The following AGBL4 variants were observed in gnomAD, a reference collection of about 807,000 sequenced individuals.
AGBL4 encodes cytosolic carboxypeptidase 6.
A neutral mutation model predicts 66.4 loss-of-function variants in AGBL4; 58 were observed. The observed-to-expected ratio is 0.87, with a 90% CI of 0.71 to 1.09. The LOEUF (loss-of-function observed/expected upper bound fraction) is 1.09. Ranked by LOEUF, AGBL4 falls within the 50% of genes least tolerant of loss-of-function variation. AGBL4 has a pLI of 0.00. For synonymous variants in AGBL4, 234 were observed against 222.9 expected, an observed-to-expected ratio of 1.05 and a Z score of -0.44; for missense variants, 579 against 631.0, an observed-to-expected ratio of 0.92 and a Z score of 0.88.
At chr1:49,918,116 C>T (rs1268724456) in intron 1 of AGBL4, among the ~76,000 whole-genome samples, 1 of 151,988 alleles carries the variant, frequency 6.6e-6, no homozygotes, top group Non-Finnish European at 1.5e-5. Context: ...GCACGAAATG[C>T]CAACAAGAGA....
intron 2 of AGBL4, among the ~76,000 whole-genome samples, chr1:49,846,929 C>G (rs950653256): frequency 3.9e-5 from 6 of 152,142 alleles, no homozygotes; most frequent in Non-Finnish European, 7.4e-5. Context: ...ATAAAGCAAT[C>G]CTAAAATTCA....
intron 3 of AGBL4, among the ~76,000 whole-genome samples, chr1:49,628,493 T>G (rs1483482346): frequency 1.3e-5 from 2 of 152,188 alleles, no homozygotes; most frequent in East Asian, 3.8e-4. Context: ...TCTTTTACTT[T>G]GAAGGGCATG....
intron 2 of AGBL4, among the ~76,000 whole-genome samples, chr1:49,823,778 A>ATGTGTGTGTGTGTGTGTG (rs10528873): frequency 1.1e-3 from 156 of 147,574 alleles, no homozygotes; most frequent in African/African-American, 3.3e-3. Context: ...AGGCTGCATA[A>ATGTGTGTGTGTGTGTGTG]TGTGTGTGTG....
chr1:48,720,268 C>T (rs1475022834), intron 6 of AGBL4, among the ~76,000 whole-genome samples: 1 of 152,096 alleles, frequency 6.6e-6, no homozygotes, highest in Non-Finnish European at 1.5e-5. Flanking sequence ...ACAAGAGGTG[C>T]CACAGAGCAG....
chr1:49,242,511 G>A (rs1024472018), intron 4 of AGBL4, among the ~76,000 whole-genome samples: 4 of 151,966 alleles, frequency 2.6e-5, no homozygotes, highest in Admixed American at 1.3e-4. Flanking sequence ...TTTCTGCAGA[G>A]GTGAAGATAC....
At chr1:49,806,190 A>C (rs1644973260) in intron 2 of AGBL4, among the ~76,000 whole-genome samples, 1 of 152,204 alleles carries the variant, frequency 6.6e-6, no homozygotes, top group Admixed American at 6.5e-5. Flanking sequence ...TTCTCAGAGA[A>C]TATGTAAGTG....
At chr1:48,790,337 C>T (rs541533385) in intron 6 of AGBL4, among the ~76,000 whole-genome samples, 1 of 151,118 alleles carries the variant, frequency 6.6e-6, no homozygotes, top group East Asian at 2.0e-4. Context: ...AAGACAGACA[C>T]AAATGAAGAA....
intron 3 of AGBL4, among the ~76,000 whole-genome samples, chr1:49,443,755 T>C (rs991161615): frequency 4.6e-5 from 7 of 150,964 alleles, no homozygotes; most frequent in Non-Finnish European, 4.4e-5. Flanking sequence ...TAAGACTCCA[T>C]TTTATTTATA....
intron 2 of AGBL4, among the ~76,000 whole-genome samples, chr1:49,851,184 A>G (rs927157067): frequency 1.3e-5 from 2 of 152,130 alleles, no homozygotes; most frequent in Admixed American, 6.6e-5. Flanking sequence ...ATTTGTTAAT[A>G]TTACCATCAA....
chr1:48,928,671 T>A, intron 5 of AGBL4, among the ~76,000 whole-genome samples: 1 of 152,100 alleles, frequency 6.6e-6, no homozygotes, highest in East Asian at 1.9e-4. Context: ...GTCAAACCAC[T>A]CAACCTCTCT....
chr1:49,135,690 T>C (rs1645997282), intron 4 of AGBL4, among the ~76,000 whole-genome samples: 1 of 152,194 alleles, frequency 6.6e-6, no homozygotes, highest in African/African-American at 2.4e-5. Context: ...TCGCTCATGC[T>C]ATTGTTTGTG....
Position 48,667,970 on chromosome 1 carries a change from A to T in AGBL4, c.635-4729T>A, listed in dbSNP as rs150926055. Among the ~76,000 whole-genome samples, 31 of 152,150 alleles carry T rather than the reference A, an allele frequency of 2.0e-4. No homozygotes were observed. The East Asian group carries it at 3.9e-3, about 19-fold the overall frequency. On this transcript the variant is annotated intron_variant, in intron 6 of 13. Transcript: ENST00000371839. ...GAAGGAAGAAGGAAATGCTACTGGGAGGGGAATGTGGAATGTTATAATGGG... is the reference window on the plus strand; with the variant it reads ...GAAGGAAGAAGGAAATGCTACTGGGTGGGGAATGTGGAATGTTATAATGGG...
chr1:49,300,646 G>T (rs1315552886), intron 3 of AGBL4, among the ~76,000 whole-genome samples: 1 of 152,074 alleles, frequency 6.6e-6, no homozygotes, highest in Non-Finnish European at 1.5e-5. Flanking sequence ...CCCCTTGAAT[G>T]GCTTCCTATT....
At chr1:48,693,340 C>G (rs1385380299) in intron 6 of AGBL4, among the ~76,000 whole-genome samples, 2 of 152,174 alleles carry the variant, frequency 1.3e-5, no homozygotes, top group South Asian at 4.1e-4. Flanking sequence ...CAGGCTAAAC[C>G]AGAGGTTACA....
intron 5 of AGBL4, among the ~76,000 whole-genome samples, chr1:48,901,658 A>T (rs547236056): frequency 2.0e-5 from 3 of 152,224 alleles, no homozygotes; most frequent in Non-Finnish European, 1.5e-5. Context: ...AAAATTTTAG[A>T]AAATGCTGTA....
chr1:49,594,351 C>A (rs1644810802), intron 3 of AGBL4, among the ~76,000 whole-genome samples: 1 of 152,236 alleles, frequency 6.6e-6, no homozygotes, highest in South Asian at 2.1e-4. Flanking sequence ...TTTTTAAAAT[C>A]TTTTTCTTTT....
intron 1 of AGBL4, among the ~76,000 whole-genome samples, chr1:50,012,470 T>A (rs561119228): frequency 1.3e-4 from 19 of 151,786 alleles, no homozygotes; most frequent in African/African-American, 4.4e-4. Flanking sequence ...AATAAATATA[T>A]ACACCTACTA....
rs918363255 is a variant in AGBL4 at position 48,533,500 on chromosome 1, A to C, written c.*673T>G. 6.5e-6 allele frequency: 1 copy of C among 152,694 alleles called. No homozygotes were observed. The allele number at this position is 152,694 out of a possible 1,614,324, so 9.5% of individuals were successfully genotyped here. A position where few individuals can be genotyped will look rare whatever the true frequency, so the allele number is the denominator to read the frequency against. The stretch of plus-strand genomic sequence containing the variant: ...AATAAACCTTTTAAAATGAGTGACC[A>C]GTGCTTTTTGTCTTTAGAGCTAAAA... On this transcript the variant is annotated 3_prime_UTR_variant, in exon 14 of 14. Transcript: ENST00000371839.
intron 4 of AGBL4, among the ~76,000 whole-genome samples, chr1:49,145,566 AAC>A (rs1297442183): frequency 6.6e-6 from 1 of 152,200 alleles, no homozygotes; most frequent in Non-Finnish European, 1.5e-5. Context: ...AAGAAAGCAA[AAC>A]ACAGTTTGAG....
Sources: gnomAD v4.1 joint callset for allele counts (sites outside exome capture counted in the v4.1 genomes callset) on GRCh38, gnomAD v4.1.1 for gene constraint, MANE v1.5 for transcripts, NCBI Gene and HGNC (gene_info 2026-07-23, HGNC 2026-07-21) for gene names.